Variants in NR2F1-AS1 observed in about 807,000 individuals in gnomAD.
NR2F1-AS1 encodes the protein NR2F1 antisense RNA 1.
chr5:93,521,890 A>G (rs1022086220), intron 4 of NR2F1-AS1, among the ~76,000 whole-genome samples: 2 of 152,242 alleles, frequency 1.3e-5, no homozygotes, highest in African/African-American at 2.4e-5. Flanking sequence ...GCATTCTACC[A>G]TATAGACACA....
chr5:93,415,793 CTTGTA>C (rs1224872428), intron 4 of NR2F1-AS1, among the ~76,000 whole-genome samples: 12 of 152,302 alleles, frequency 7.9e-5, no homozygotes, highest in South Asian at 2.1e-4. Flanking sequence ...TGATTGTGAA[CTTGTA>C]TTGTAATAAT....
chr5:93,440,847 CT>C (rs1469410746), intron 4 of NR2F1-AS1, among the ~76,000 whole-genome samples: 1 of 152,138 alleles, frequency 6.6e-6, no homozygotes, highest in African/African-American at 2.4e-5. Context: ...CAAATATATT[CT>C]TTTTATCTCA....
chr5:93,476,434 A>AT (rs1321121336), intron 4 of NR2F1-AS1, among the ~76,000 whole-genome samples: 1 of 152,166 alleles, frequency 6.6e-6, no homozygotes, highest in Admixed American at 6.5e-5. Context: ...GGCTGAATTC[A>AT]TTGGCCCCAC....
At chr5:93,525,967 A>G (rs1312354262) in intron 4 of NR2F1-AS1, among the ~76,000 whole-genome samples, 1 of 152,138 alleles carries the variant, frequency 6.6e-6, no homozygotes, top group Non-Finnish European at 1.5e-5. Context: ...AAGAGCAAAA[A>G]AATTCAAAAG....
intron 1 of NR2F1-AS1, among the ~76,000 whole-genome samples, chr5:93,580,101 C>G (rs1376199242): frequency 6.6e-6 from 1 of 152,240 alleles, no homozygotes; most frequent in Non-Finnish European, 1.5e-5. Flanking sequence ...CAGGAACAGC[C>G]GGGCCGGTGT....
At chr5:93,429,799 A>G (rs1459965844) in intron 4 of NR2F1-AS1, among the ~76,000 whole-genome samples, 3 of 152,188 alleles carry the variant, frequency 2.0e-5, no homozygotes, top group Non-Finnish European at 4.4e-5. Context: ...ATTTTCTATC[A>G]TCTCTGTTCC....
upstream of NR2F1-AS1, chr5:93,583,212 TCC>T (rs1194993908): frequency 6.6e-6 from 1 of 151,852 alleles, no homozygotes; most frequent in Non-Finnish European, 1.5e-5. Context: ...TTCGCGCAGA[TCC>T]CCCTTTCGGA....
At chr5:93,566,375 T>G (rs773530180) in intron 1 of NR2F1-AS1, among the ~76,000 whole-genome samples, 3 of 152,002 alleles carry the variant, frequency 2.0e-5, no homozygotes, top group Non-Finnish European at 4.4e-5. Flanking sequence ...ACAATATTAG[T>G]TTTTACTACA....
At chr5:93,558,008 A>C (rs983037925) in intron 2 of NR2F1-AS1, among the ~76,000 whole-genome samples, 5 of 152,154 alleles carry the variant, frequency 3.3e-5, no homozygotes, top group African/African-American at 1.2e-4. Flanking sequence ...TTCGAGTTTA[A>C]TCATGTAATT....
At chr5:93,495,742 C>T (rs1444609385) in intron 4 of NR2F1-AS1, among the ~76,000 whole-genome samples, 4 of 151,782 alleles carry the variant, frequency 2.6e-5, no homozygotes, top group Non-Finnish European at 4.4e-5. Context: ...ATCATATACA[C>T]AAATATGATG....
intron 4 of NR2F1-AS1, among the ~76,000 whole-genome samples, chr5:93,431,304 T>C (rs1749316611): frequency 6.6e-6 from 1 of 150,726 alleles, no homozygotes; most frequent in African/African-American, 2.4e-5. Context: ...GGGGAGATGA[T>C]GAGGTGTTGT....
intron 4 of NR2F1-AS1, among the ~76,000 whole-genome samples, chr5:93,519,045 A>T (rs758922144): frequency 1.4e-4 from 21 of 152,130 alleles, no homozygotes; most frequent in Non-Finnish European, 2.4e-4. Context: ...GTCAGCACAT[A>T]AGAAAAATTT....
At chr5:93,574,747 G>A (rs760464952) in intron 1 of NR2F1-AS1, among the ~76,000 whole-genome samples, 2 of 151,972 alleles carry the variant, frequency 1.3e-5, no homozygotes, top group Non-Finnish European at 2.9e-5. Context: ...AAGCCCAACA[G>A]GTCCAGGATT....
chr5:93,517,987 G>C (rs756192041), intron 4 of NR2F1-AS1, among the ~76,000 whole-genome samples: 6 of 151,972 alleles, frequency 3.9e-5, no homozygotes. Context: ...AAAGAGACAA[G>C]GTCTTGATAT....
At chr5:93,561,657 C>T (rs557174556) in intron 2 of NR2F1-AS1, among the ~76,000 whole-genome samples, 1 of 152,036 alleles carries the variant, frequency 6.6e-6, no homozygotes, top group East Asian at 1.9e-4. Context: ...CCTGTGGTCC[C>T]AGCTCCATAT....
At chr5:93,521,229 T>C (rs1751495352) in intron 4 of NR2F1-AS1, among the ~76,000 whole-genome samples, 1 of 152,156 alleles carries the variant, frequency 6.6e-6, no homozygotes, top group African/African-American at 2.4e-5. Flanking sequence ...CAAGATGGAT[T>C]AAAGATTTAA....
At chr5:93,563,257 A>G (rs1350239852) in intron 2 of NR2F1-AS1, 1 of 152,240 alleles carries the variant, frequency 6.6e-6, no homozygotes, top group African/African-American at 2.4e-5. Context: ...TAAATAAGAA[A>G]GTGAGGTAAC....
chr5:93,415,401 G>T (rs938514334), intron 4 of NR2F1-AS1, among the ~76,000 whole-genome samples: 3 of 152,078 alleles, frequency 2.0e-5, no homozygotes, highest in African/African-American at 7.2e-5. Context: ...TTACTCATAT[G>T]CCAGATCTAA....
chr5:93,537,609 C>T (rs893263597), intron 4 of NR2F1-AS1, among the ~76,000 whole-genome samples: 1 of 151,952 alleles, frequency 6.6e-6, no homozygotes, highest in Non-Finnish European at 1.5e-5. Context: ...TATGAGATAC[C>T]ACCTCACTTC....
Sources: gnomAD v4.1 joint callset for allele counts (sites outside exome capture counted in the v4.1 genomes callset) on GRCh38, gnomAD v4.1.1 for gene constraint, MANE v1.5 for transcripts, NCBI Gene and HGNC (gene_info 2026-07-23, HGNC 2026-07-21) for gene names.